SPAG16: variants seen among roughly 807,000 people sequenced by gnomAD.
SPAG16 encodes the protein sperm-associated antigen 16 protein.
SPAG16 carries 86 observed loss-of-function variants against 80.4 expected under a neutral mutation model. The ratio of observed to expected loss-of-function variants is 1.07; its 90% confidence interval spans 0.90 to 1.28. SPAG16 has a LOEUF of 1.28. SPAG16 is among the 50% of genes most tolerant of loss of function. The pLI is 0.00. For missense variants in SPAG16, 870 were observed against 765.3 expected (o/e 1.14, Z -1.61); for synonymous variants, 294 against 265.9 (o/e 1.11, Z -1.03).
At chr2:213,968,339 C>T (rs552526898) in intron 12 of SPAG16, among the ~76,000 whole-genome samples, 2 of 151,900 alleles carry the variant, frequency 1.3e-5, no homozygotes, top group East Asian at 3.9e-4. Context: ...CACACCCACA[C>T]CTGCCACCAC....
intron 9 of SPAG16, among the ~76,000 whole-genome samples, chr2:213,442,434 T>C (rs1448795799): frequency 6.6e-6 from 1 of 152,178 alleles, no homozygotes; most frequent in East Asian, 1.9e-4. Flanking sequence ...ATAAAGTTTA[T>C]ATGGGTATTC....
At chr2:213,849,255 A>G (rs532874872) in intron 10 of SPAG16, among the ~76,000 whole-genome samples, 2 of 152,186 alleles carry the variant, frequency 1.3e-5, no homozygotes, top group South Asian at 4.1e-4. Flanking sequence ...GCAGGAACTA[A>G]TAGAGTTAGA....
At chr2:214,332,497 C>G (rs1696992513) in intron 15 of SPAG16, among the ~76,000 whole-genome samples, 1 of 152,140 alleles carries the variant, frequency 6.6e-6, no homozygotes, top group Admixed American at 6.6e-5. Context: ...GGTAGATGCT[C>G]TCTTGAAGAC....
At chr2:214,261,581 T>G (rs965467354) in intron 15 of SPAG16, among the ~76,000 whole-genome samples, 3 of 152,198 alleles carry the variant, frequency 2.0e-5, no homozygotes, top group African/African-American at 7.2e-5. Flanking sequence ...AGTTAATTTT[T>G]TGGAACACTA....
intron 11 of SPAG16, among the ~76,000 whole-genome samples, chr2:213,872,773 T>G (rs2076002434): frequency 6.6e-6 from 1 of 152,134 alleles, no homozygotes; most frequent in South Asian, 2.1e-4. Context: ...CTATTTCTAG[T>G]CGAATATGTT....
chr2:213,888,083 A>C (rs2106062233), intron 11 of SPAG16, among the ~76,000 whole-genome samples: 1 of 152,074 alleles, frequency 6.6e-6, no homozygotes, highest in South Asian at 2.1e-4. Context: ...AAGATACAAC[A>C]GTGTTTACCT....
chr2:213,433,519 ATAGT>A (rs1237391004), intron 9 of SPAG16, among the ~76,000 whole-genome samples: 2 of 152,380 alleles, frequency 1.3e-5, no homozygotes, highest in East Asian at 1.9e-4. Context: ...AGAAGAAAAA[ATAGT>A]TAGTAATATA....
intron 9 of SPAG16, among the ~76,000 whole-genome samples, chr2:213,396,329 A>G (rs1275709785): frequency 1.3e-5 from 2 of 152,236 alleles, no homozygotes; most frequent in Non-Finnish European, 2.9e-5. Context: ...GAATGAACAT[A>G]GTTTATCTCC....
chr2:213,561,104 T>A (rs1393448742), intron 10 of SPAG16, among the ~76,000 whole-genome samples: 2 of 152,238 alleles, frequency 1.3e-5, no homozygotes, highest in Non-Finnish European at 2.9e-5. Flanking sequence ...CCTCAAGTGA[T>A]CTGCCTGCCT....
rs928676493 is a variant in SPAG16 at position 214,217,060 on chromosome 2, T to A, written c.1720+67794T>A. Among the ~76,000 whole-genome samples the A allele has an allele frequency of 3.9e-5, 6 of 152,316 alleles. No individual in the cohort carries two copies. In the East Asian group the frequency reaches 9.6e-4, roughly 24 times the overall value. ...ATCCATTATTTCAGATAAGGAACAA[T>A]GATTTATAAGAGCCAAGTGGTGGAT... On this transcript the variant is annotated intron_variant, in intron 15 of 15. Transcript: ENST00000331683.
At chr2:213,942,079 C>T (rs76636960) in intron 12 of SPAG16, among the ~76,000 whole-genome samples, 1,607 of 152,190 alleles carry the variant, frequency 0.011, 37 homozygotes, top group African/African-American at 0.036. Context: ...TTCTTTTCTT[C>T]TTCCCCTGAG....
chr2:214,323,245 A>T (rs2125997166), intron 15 of SPAG16, among the ~76,000 whole-genome samples: 1 of 152,166 alleles, frequency 6.6e-6, no homozygotes, highest in South Asian at 2.1e-4. Flanking sequence ...GATTGCTTTT[A>T]AAGGGTGACC....
rs74872217 is a variant in SPAG16, at chr2:213,812,753, TG to T, written c.1071-49731del. Reference sequence around the variant, plus strand: ...CATACAACAAATATTTAGCATTTTTTGTTTTATTACATGTAACTAGGCAAGT... The same window carrying T: ...CATACAACAAATATTTAGCATTTTTTTTTTATTACATGTAACTAGGCAAGT... On this transcript the variant is annotated intron_variant, in intron 10 of 15. Transcript: ENST00000331683. Among the ~76,000 whole-genome samples the T allele has an allele frequency of 2.2e-3, 339 of 151,830 alleles. 3 individuals carry two copies. Among genetic ancestry groups the T allele is most frequent in the East Asian group, 8.7e-3 (45 of 5,158 alleles).
intron 13 of SPAG16, among the ~76,000 whole-genome samples, chr2:214,061,981 GCACACACACA>G (rs58582439): frequency 3.0e-4 from 34 of 111,598 alleles, no homozygotes; most frequent in South Asian, 6.0e-4. Flanking sequence ...ATAAAAGCAT[GCACACACACA>G]CACACACACA....
chr2:213,342,837 A>G (rs2064771155), intron 6 of SPAG16, among the ~76,000 whole-genome samples: 2 of 151,746 alleles, frequency 1.3e-5, no homozygotes, highest in Admixed American at 1.3e-4. Flanking sequence ...GATGCCTAAG[A>G]GAAGACAAAC....
intron 7 of SPAG16, among the ~76,000 whole-genome samples, chr2:213,363,414 C>A (rs1027669751): frequency 1.4e-4 from 22 of 151,802 alleles, no homozygotes; most frequent in Admixed American, 1.2e-3. Flanking sequence ...AGAAATATTA[C>A]TATTCAGTGA....
chr2:213,557,976 A>C (rs976244931), intron 10 of SPAG16, among the ~76,000 whole-genome samples: 2 of 152,170 alleles, frequency 1.3e-5, no homozygotes, highest in Non-Finnish European at 2.9e-5. Context: ...GCATTTTGTG[A>C]GTTTTCATTT....
At chr2:213,321,609 T>C (rs1415614530) in intron 5 of SPAG16, among the ~76,000 whole-genome samples, 2 of 152,098 alleles carry the variant, frequency 1.3e-5, no homozygotes, top group African/African-American at 4.8e-5. Flanking sequence ...GAGAAAATAT[T>C]TCCCACTAAA....
intron 14 of SPAG16, among the ~76,000 whole-genome samples, chr2:214,128,025 C>G (rs1239354988): frequency 6.6e-6 from 1 of 151,812 alleles, no homozygotes; most frequent in African/African-American, 2.4e-5. Flanking sequence ...TATTTTAAAG[C>G]ACTTAAATGT....
Sources: gnomAD v4.1 joint callset for allele counts (sites outside exome capture counted in the v4.1 genomes callset) on GRCh38, gnomAD v4.1.1 for gene constraint, MANE v1.5 for transcripts, NCBI Gene and HGNC (gene_info 2026-07-23, HGNC 2026-07-21) for gene names.